Variants in TRPC3 observed in about 807,000 individuals in gnomAD.
TRPC3 encodes short transient receptor potential channel 3.
In TRPC3, 54 loss-of-function variants were observed where a neutral mutation model predicts 90.9. That is an observed-to-expected ratio of 0.59 (90% CI 0.48 to 0.75). The LOEUF is 0.75. TRPC3 is among the 30% of genes least tolerant of loss of function. The pLI, the probability that TRPC3 is intolerant of heterozygous loss-of-function variation, is 0.00. For synonymous variants in TRPC3, 424 were observed against 450.9 expected (o/e 0.94, Z 0.75); for missense variants, 918 against 1,194.5 (o/e 0.77, Z 3.41).
At chr4:121,880,902 T>C (rs2149102610) in intron 11 of TRPC3, among the ~76,000 whole-genome samples, 1 of 152,132 alleles carries the variant, frequency 6.6e-6, no homozygotes, top group South Asian at 2.1e-4. Context: ...CATTTTTATT[T>C]GAAAAGAATT....
rs570776516 is a variant in TRPC3 at position 121,951,712 on chromosome 4, C to T, written c.-32G>A. On this transcript the variant is annotated 5_prime_UTR_variant, in exon 1 of 12. Coordinates refer to ENST00000379645, the MANE Select transcript of TRPC3 (RefSeq NM_001130698.2). The surrounding 1 kb of genome is among the most constrained non-coding windows in gnomAD (Gnocchi z 4.4). ...GGCTGCGGTCCGAGTGTGGGGGTGC[C>T]GGCTGCCGGCCTCCTCCGCCTTCGC... 7 of 1,289,924 alleles carry T rather than the reference C, an allele frequency of 5.4e-6. No homozygotes were observed. The South Asian group carries it at 1.0e-4, about 19-fold the overall frequency. The allele number at this position is 1,289,924 out of a possible 1,614,324, so 79.9% of individuals were successfully genotyped here. A position where few individuals can be genotyped will look rare whatever the true frequency, so the allele number is the denominator to read the frequency against.
chr4:121,925,320 C>CAGGTGGGCTG, intron 2 of TRPC3, 114 bp from the exon 3 acceptor site: 4 of 1,125,332 alleles, frequency 3.6e-6, no homozygotes, highest in Non-Finnish European at 4.9e-6. Flanking sequence ...AAGCTGCAGC[C>CAGGTGGGCTG]CACCTGGATG....
In TRPC3 at chr4:121,879,439, A is replaced by G; in HGVS notation, c.*297T>C. On this transcript the variant is annotated 3_prime_UTR_variant, in exon 12 of 12. Transcript: ENST00000379645. ...CCCCAAGGAACTGATAGTCTCTTGG[A>G]GGCAAACAGGTAGTGCAAAGATGTG... 1 of 288,208 alleles carries G rather than the reference A, an allele frequency of 3.5e-6. No homozygotes were observed. Among genetic ancestry groups the G allele is most frequent in the Non-Finnish European group, 6.4e-6 (1 of 155,520 alleles). The allele number at this position is 288,208 out of a possible 1,614,324, so 17.9% of individuals were successfully genotyped here.
At chr4:121,940,744 C>T (rs1730280700) in intron 1 of TRPC3, among the ~76,000 whole-genome samples, 4 of 152,156 alleles carry the variant, frequency 2.6e-5, no homozygotes. Flanking sequence ...TATAGGTAGT[C>T]TACTCATAAA....
intron 3 of TRPC3, among the ~76,000 whole-genome samples, chr4:121,915,444 T>C (rs1578630211): frequency 6.6e-6 from 1 of 152,244 alleles, no homozygotes; most frequent in South Asian, 2.1e-4. Context: ...TGTGTAATTA[T>C]GTACTATTAC....
chr4:121,874,954 A>G lies in TRPC3; in HGVS notation c.*4782T>C, dbSNP rs781275480. Among the ~76,000 whole-genome samples the G allele has an allele frequency of 1.2e-4, 18 of 152,186 alleles. No individual in the cohort carries two copies. Among genetic ancestry groups the G allele is most frequent in the Non-Finnish European group, 2.4e-4 (16 of 68,036 alleles). ...AGCCTGGGCAAAATAGCAAGGCCCC[A>G]TCTCTAAAAAACAAACAAAAAACTA... On this transcript the variant is annotated 3_prime_UTR_variant, in exon 12 of 12. Transcript: ENST00000379645.
At chr4:121,925,596 G>A (rs1341174631) in intron 2 of TRPC3, among the ~76,000 whole-genome samples, 1 of 152,204 alleles carries the variant, frequency 6.6e-6, no homozygotes, top group Non-Finnish European at 1.5e-5. Context: ...CATTTAGACA[G>A]AAGAAATAAG....
intron 1 of TRPC3, among the ~76,000 whole-genome samples, chr4:121,947,136 T>A (rs981152529): frequency 6.8e-6 from 1 of 147,748 alleles, no homozygotes; most frequent in Non-Finnish European, 1.5e-5. Context: ...TGAGCTATGA[T>A]TGCACCAACT....
intron 2 of TRPC3, among the ~76,000 whole-genome samples, chr4:121,926,036 A>G (rs986031502): frequency 2.0e-5 from 3 of 152,238 alleles, no homozygotes; most frequent in Admixed American, 1.3e-4. Context: ...AAAGTTGTCA[A>G]AACTAAGTCA....
At chr4:121,920,913 T>C (rs986436632) in intron 3 of TRPC3, among the ~76,000 whole-genome samples, 5 of 152,228 alleles carry the variant, frequency 3.3e-5, no homozygotes, top group African/African-American at 1.2e-4. Context: ...CTTTTTTGTT[T>C]ATAATCTTTC....
At chr4:121,920,759 A>G (rs1404873282) in intron 3 of TRPC3, among the ~76,000 whole-genome samples, 1 of 152,164 alleles carries the variant, frequency 6.6e-6, no homozygotes. Flanking sequence ...CTCTTCTGTG[A>G]CATGCCTATT....
intron 1 of TRPC3, among the ~76,000 whole-genome samples, chr4:121,937,636 A>G (rs766891586): frequency 6.6e-6 from 1 of 152,228 alleles, no homozygotes; most frequent in South Asian, 2.1e-4. Context: ...ATTGTTCACC[A>G]TAGTATTCTT....
intron 10 of TRPC3, among the ~76,000 whole-genome samples, chr4:121,891,679 C>A (rs1578602416): frequency 6.6e-6 from 1 of 152,316 alleles, no homozygotes; most frequent in South Asian, 2.1e-4. Context: ...ACAATCATTA[C>A]CACTGGGGAC....
intron 10 of TRPC3, among the ~76,000 whole-genome samples, chr4:121,886,621 T>C (rs1728127058): frequency 6.6e-6 from 1 of 152,208 alleles, no homozygotes; most frequent in African/African-American, 2.4e-5. Flanking sequence ...TCGGTCCAAA[T>C]TCTGTTCTTT....
chr4:121,917,707 G>A (rs976782415), intron 3 of TRPC3, among the ~76,000 whole-genome samples: 3 of 152,198 alleles, frequency 2.0e-5, no homozygotes, highest in African/African-American at 7.2e-5. Context: ...GATATTTGGA[G>A]GATCTGCATT....
At chr4:121,947,886 G>C (rs1360308734) in intron 1 of TRPC3, among the ~76,000 whole-genome samples, 1 of 152,178 alleles carries the variant, frequency 6.6e-6, no homozygotes, top group Non-Finnish European at 1.5e-5. Context: ...TGCAAGGACT[G>C]ATTCTTCTAA....
intron 3 of TRPC3, among the ~76,000 whole-genome samples, chr4:121,924,752 C>G (rs934227816): frequency 2.0e-5 from 3 of 152,108 alleles, no homozygotes; most frequent in African/African-American, 7.2e-5. Flanking sequence ...TGTTGCCCAG[C>G]TGGTCTTGAA....
At position 121,939,245 on chromosome 4, in the gene TRPC3, C is replaced by A. The variant is rs1730227140; in HGVS notation, c.216-6203G>T. Among the ~76,000 whole-genome samples, 5 of 152,150 alleles carry A rather than the reference C, an allele frequency of 3.3e-5. No homozygotes were observed. The South Asian group carries it at 1.0e-3, about 32-fold the overall frequency. On this transcript the variant is annotated intron_variant, in intron 1 of 11. Transcript: ENST00000379645. ...TTTACAGGAGTGAAAAGAAAAGGATCATGGAGAAGTTCAGATTCTTACAAG... is the reference window on the plus strand; with the variant it reads ...TTTACAGGAGTGAAAAGAAAAGGATAATGGAGAAGTTCAGATTCTTACAAG...
At chr4:121,891,631 C>T (rs976143610) in intron 10 of TRPC3, among the ~76,000 whole-genome samples, 3 of 152,194 alleles carry the variant, frequency 2.0e-5, no homozygotes, top group African/African-American at 7.2e-5. Flanking sequence ...TTGTGAAGAT[C>T]TTCTTCCTCT....
Sources: allele counts gnomAD v4.1 joint callset (sites outside exome capture counted in the v4.1 genomes callset), GRCh38; gene constraint gnomAD v4.1.1; non-coding constraint Gnocchi (gnomAD v3.1); transcripts MANE v1.5; gene names NCBI Gene and HGNC (gene_info 2026-07-23, HGNC 2026-07-21).